Variants in MLKL observed in about 807,000 individuals in gnomAD.
MLKL encodes mixed lineage kinase domain like pseudokinase.
A neutral mutation model predicts 56.5 loss-of-function variants in MLKL; 55 were observed. That is an observed-to-expected ratio of 0.97 (90% CI 0.78 to 1.22). The LOEUF is 1.22. Among genes scored for constraint, MLKL ranks in the 50% most tolerant of loss-of-function variants. The pLI is 0.00. For missense variants in MLKL, 694 were observed against 573.9 expected (o/e 1.21, Z -2.14); for synonymous variants, 251 against 208.3 (o/e 1.20, Z -1.76).
In MLKL at chr16:74,672,391, A is replaced by T; in HGVS notation, c.*113T>A. 1.1e-6 allele frequency: 1 copy of T among 927,518 alleles called. No homozygotes were observed. Among genetic ancestry groups the T allele is most frequent in the Non-Finnish European group, 1.7e-6 (1 of 584,408 alleles). The allele number at this position is 927,518 out of a possible 1,614,324, so 57.5% of individuals were successfully genotyped here. A position where few individuals can be genotyped will look rare whatever the true frequency, so the allele number is the denominator to read the frequency against. On this transcript the variant is annotated 3_prime_UTR_variant, in exon 11 of 11. Transcript: ENST00000308807. ...CTATTTGTAACAGAGAAGCGTGCCC[A>T]CTCCTTGCACCCATAGATAACCCAA...
intron 1 of MLKL, among the ~76,000 whole-genome samples, chr16:74,696,230 G>A (rs964048716): frequency 1.3e-5 from 2 of 152,146 alleles, no homozygotes; most frequent in African/African-American, 4.8e-5. Context: ...GGACTGTTAA[G>A]TGATCAAGGA....
intron 3 of MLKL, among the ~76,000 whole-genome samples, 161 bp from the exon 4 acceptor site, chr16:74,691,624 G>A (rs1249127163): frequency 6.6e-6 from 1 of 152,158 alleles, no homozygotes; most frequent in East Asian, 1.9e-4. Context: ...CCAAGGGAGC[G>A]GCTCCCGTGC....
At chr16:74,687,622 G>C (rs995454758) in intron 4 of MLKL, among the ~76,000 whole-genome samples, 4 of 151,722 alleles carry the variant, frequency 2.6e-5, no homozygotes, top group African/African-American at 9.7e-5. Flanking sequence ...CAGATCAATG[G>C]AATAGAATTG....
At chr16:74,698,526 G>C (rs1347625716) in intron 1 of MLKL, among the ~76,000 whole-genome samples, 3 of 152,180 alleles carry the variant, frequency 2.0e-5, no homozygotes, top group Non-Finnish European at 4.4e-5. Context: ...AGACTACCCA[G>C]CTATTCCCAC....
intron 4 of MLKL, among the ~76,000 whole-genome samples, chr16:74,686,215 G>A (rs910400765): frequency 1.3e-5 from 2 of 152,030 alleles, no homozygotes; most frequent in African/African-American, 2.4e-5. Flanking sequence ...GCCTGCCTAC[G>A]CCTCCCAAAG....
rs935166737 is a variant in MLKL, at chr16:74,692,305, G to C, written c.535+37C>G. 15 of 1,554,562 alleles carry C rather than the reference G, an allele frequency of 9.6e-6. No individual in the cohort carries two copies. The Admixed American group carries it at 1.0e-4, about 11-fold the overall frequency. ...CAGTAAACTGATGACTTCTAGTTTGGGGGCCATCAGAAACAGCAGGGCACA... is the reference window on the plus strand; with the variant it reads ...CAGTAAACTGATGACTTCTAGTTTGCGGGCCATCAGAAACAGCAGGGCACA... On this transcript the variant is annotated intron_variant, in intron 3 of 10. Transcript: ENST00000308807.
intron 4 of MLKL, among the ~76,000 whole-genome samples, chr16:74,687,858 C>G (rs1960428340): frequency 6.6e-6 from 1 of 151,790 alleles, no homozygotes; most frequent in Admixed American, 6.6e-5. Flanking sequence ...TGGAGTCTTG[C>G]TCTGTCAAGC....
At chr16:74,680,620 C>T (rs148251492) in intron 6 of MLKL, among the ~76,000 whole-genome samples, 1 of 152,220 alleles carries the variant, frequency 6.6e-6, no homozygotes, top group East Asian at 1.9e-4. Flanking sequence ...GATTCTCCTG[C>T]CTCAGCCTTA....
intron 1 of MLKL, among the ~76,000 whole-genome samples, chr16:74,698,377 C>T (rs1046040518): frequency 1.3e-5 from 2 of 151,930 alleles, no homozygotes; most frequent in African/African-American, 2.4e-5. Context: ...GGCTTTAAAA[C>T]ATGAGTAAGG....
At chr16:74,688,130 C>A (rs557504364) in intron 4 of MLKL, among the ~76,000 whole-genome samples, 1 of 151,722 alleles carries the variant, frequency 6.6e-6, no homozygotes, top group South Asian at 2.1e-4. Context: ...AGCCAACGCC[C>A]GGCTAATTTT....
At chr16:74,700,020 T>C (rs1214916967) in intron 1 of MLKL, among the ~76,000 whole-genome samples, 1 of 152,088 alleles carries the variant, frequency 6.6e-6, no homozygotes, top group East Asian at 1.9e-4. Flanking sequence ...ATTTTAAAAG[T>C]GAAAAATCTT....
chr16:74,700,192 T>A (rs1203787343), intron 1 of MLKL, among the ~76,000 whole-genome samples: 4 of 152,270 alleles, frequency 2.6e-5, no homozygotes, highest in East Asian at 3.9e-4. Context: ...TTCCTTTTTC[T>A]GAGAAGACAT....
intron 9 of MLKL, 44 bp downstream of exon 9, chr16:74,675,311 G>A (rs747311833): frequency 4.3e-6 from 7 of 1,613,726 alleles, no homozygotes; most frequent in Non-Finnish European, 4.2e-6. Flanking sequence ...ACTGGAAGGG[G>A]ACCCAACCTC....
At chr16:74,698,312 A>G (rs1292547948) in intron 1 of MLKL, among the ~76,000 whole-genome samples, 1 of 151,996 alleles carries the variant, frequency 6.6e-6, no homozygotes, top group East Asian at 1.9e-4. Flanking sequence ...TATTATCGCC[A>G]GTTTATGGAT....
At chr16:74,673,996 T>G (rs915780767) in intron 10 of MLKL, among the ~76,000 whole-genome samples, 1 of 128,972 alleles carries the variant, frequency 7.8e-6, no homozygotes, top group Non-Finnish European at 1.7e-5. Context: ...GACAGATAAA[T>G]AAAGGAAGGA....
intron 2 of MLKL, among the ~76,000 whole-genome samples, chr16:74,692,977 A>G (rs1960764687): frequency 6.6e-6 from 1 of 152,228 alleles, no homozygotes; most frequent in Non-Finnish European, 1.5e-5. Context: ...AGCTCTGGGG[A>G]CATGAAACCC....
At position 74,672,356 on chromosome 16, in the gene MLKL, G is replaced by C; in HGVS notation, c.*148C>G. ...GAGTGGGATGTGTCCTGTATGACTG[G>C]AATCGTTTTCTATTTGTAACAGAGA... On this transcript the variant is annotated 3_prime_UTR_variant, in exon 11 of 11. Transcript: ENST00000308807. 1 of 698,886 alleles carries C rather than the reference G, an allele frequency of 1.4e-6. No homozygotes were observed. Among genetic ancestry groups the C allele is most frequent in the Middle Eastern group, 2.5e-4 (1 of 3,998 alleles). 43.3% of individuals were successfully genotyped at this position (698,886 alleles called of 1,614,324 possible).
At chr16:74,684,773 G>A (rs1027350468) in intron 5 of MLKL, among the ~76,000 whole-genome samples, 1 of 152,020 alleles carries the variant, frequency 6.6e-6, no homozygotes, top group Non-Finnish European at 1.5e-5. Context: ...CTGAGCCACA[G>A]CGCCTGGCCA....
intron 4 of MLKL, among the ~76,000 whole-genome samples, chr16:74,689,696 T>A (rs9929403): frequency 2.0e-5 from 3 of 152,076 alleles, no homozygotes; most frequent in African/African-American, 7.2e-5. Flanking sequence ...ACAGACAAAT[T>A]GATCAGTGGG....
Sources: gnomAD v4.1 joint callset for allele counts (sites outside exome capture counted in the v4.1 genomes callset) on GRCh38, gnomAD v4.1.1 for gene constraint, MANE v1.5 for transcripts, NCBI Gene and HGNC (gene_info 2026-07-23, HGNC 2026-07-21) for gene names.